Variants in RHOG observed in about 807,000 individuals in gnomAD.
RHOG encodes the protein ras homolog family member G, also known as rho-related GTP-binding protein RhoG.
In RHOG, 1 loss-of-function variant was observed where a neutral mutation model predicts 12.3. The ratio of observed to expected loss-of-function variants is 0.08; its 90% confidence interval spans 0.03 to 0.39. The LOEUF (loss-of-function observed/expected upper bound fraction) is 0.39. Ranked by LOEUF, RHOG falls within the 10% of genes least tolerant of loss-of-function variation. The pLI, the probability that RHOG is intolerant of heterozygous loss-of-function variation, is 0.99. For synonymous variants in RHOG, 129 were observed against 116.0 expected (o/e 1.11, Z -0.72); for missense variants, 114 against 266.2 (o/e 0.43, Z 3.98).
At chr11:3,839,602 AACACACACACACAC>A (rs112483411) in intron 1 of RHOG, among the ~76,000 whole-genome samples, 1 of 141,596 alleles carries the variant, frequency 7.1e-6, no homozygotes, top group African/African-American at 2.6e-5. Context: ...CACACACGCA[AACACACACACACAC>A]ACACACACAC....
chr11:3,829,964 C>T (rs960888336), intron 1 of RHOG, among the ~76,000 whole-genome samples: 12 of 152,176 alleles, frequency 7.9e-5, no homozygotes, highest in African/African-American at 2.9e-4. Flanking sequence ...TCAGGCTAGT[C>T]TTGAACTCCT....
chr11:3,835,714 G>C (rs571285485), intron 1 of RHOG, among the ~76,000 whole-genome samples: 23 of 152,320 alleles, frequency 1.5e-4, no homozygotes, highest in African/African-American at 4.3e-4. Context: ...GCTCAGAGAT[G>C]ATGAGGAAGA....
At chr11:3,835,194 G>A (rs968429782) in intron 1 of RHOG, among the ~76,000 whole-genome samples, 2 of 152,164 alleles carry the variant, frequency 1.3e-5, no homozygotes, top group Non-Finnish European at 2.9e-5. Context: ...AGCACCCTAA[G>A]CTGAGCACAC....
intron 1 of RHOG, among the ~76,000 whole-genome samples, chr11:3,831,707 C>T (rs1449689813): frequency 3.3e-5 from 5 of 152,200 alleles, no homozygotes; most frequent in African/African-American, 1.2e-4. Flanking sequence ...AGACTTAAAG[C>T]TCCTTGGAGG....
chr11:3,839,661 C>G (rs2090179384), intron 1 of RHOG, among the ~76,000 whole-genome samples: 1 of 151,260 alleles, frequency 6.6e-6, no homozygotes, highest in Non-Finnish European at 1.5e-5. Flanking sequence ...GTCTCTATCA[C>G]TGGGAGGCTG....
intron 1 of RHOG, among the ~76,000 whole-genome samples, chr11:3,838,851 A>G (rs2090171487): frequency 6.6e-6 from 1 of 152,184 alleles, no homozygotes; most frequent in African/African-American, 2.4e-5. Context: ...CATAGCCAGG[A>G]TGGACTGAAG....
intron 1 of RHOG, among the ~76,000 whole-genome samples, chr11:3,840,074 G>A (rs1004845223): frequency 1.8e-4 from 28 of 152,220 alleles, no homozygotes; most frequent in African/African-American, 3.6e-4. Context: ...GACTAAGAAT[G>A]AAGAGGAACA....
intron 1 of RHOG, among the ~76,000 whole-genome samples, chr11:3,828,622 A>ATTTTTTTTTTTTTTTTTTT (rs755612599): frequency 8.0e-6 from 1 of 125,756 alleles, no homozygotes; most frequent in African/African-American, 3.1e-5. Context: ...AGTATTAGCT[A>ATTTTTTTTTTTTTTTTTTT]TTTTTTTTTT....
rs575102026 is a variant in RHOG, at chr11:3,832,005, G to A, written c.-68-3799C>T. Among the ~76,000 whole-genome samples, 8 of 152,218 alleles carry A rather than the reference G, an allele frequency of 5.3e-5. No homozygotes were observed. In the South Asian group the frequency reaches 1.0e-3, roughly 20 times the overall value. On this transcript the variant is annotated intron_variant, in intron 1 of 1. Transcript: ENST00000351018. Reference sequence around the variant, plus strand: ...AGAGGGGAAGGACAGCGTAGCTTCCGGGCTGGGAAGGGAACGAGGACCGAC... The same window carrying A: ...AGAGGGGAAGGACAGCGTAGCTTCCAGGCTGGGAAGGGAACGAGGACCGAC...
In RHOG at chr11:3,840,911, G is replaced by A. The variant is rs1312155633; in HGVS notation, c.-86C>T. On this transcript the variant is annotated 5_prime_UTR_variant, in exon 1 of 2. Coordinates refer to ENST00000351018, the MANE Select transcript of RHOG (RefSeq NM_001665.4). ...GGCCTCACCTGGTGCCCTCCCCGAGGCGGGGGAGCTGGGGGCGGCGGCAGC... is the reference window on the plus strand; with the variant it reads ...GGCCTCACCTGGTGCCCTCCCCGAGACGGGGGAGCTGGGGGCGGCGGCAGC... 3 of 152,306 alleles carry A rather than the reference G, an allele frequency of 2.0e-5. No homozygotes were observed. Among genetic ancestry groups the A allele is most frequent in the South Asian group, 2.1e-4 (1 of 4,838 alleles). The allele number at this position is 152,306 out of a possible 1,614,324, so 9.4% of individuals were successfully genotyped here. A position where few individuals can be genotyped will look rare whatever the true frequency, so the allele number is the denominator to read the frequency against.
In RHOG at chr11:3,838,198, G is replaced by A. The variant is rs909280963; in HGVS notation, c.-69+2696C>T. ...ATACCTGTTTAGCCAAGACTTCAGC[G>A]GCAGCCTCCTAGGTTGTAGCCACCA... On this transcript the variant is annotated intron_variant, in intron 1 of 1. Coordinates refer to ENST00000351018, the MANE Select transcript of RHOG (RefSeq NM_001665.4). 3.9e-5 allele frequency among the ~76,000 whole-genome samples: 6 copies of A among 152,270 alleles called. No homozygotes were observed. In the East Asian group the frequency reaches 5.8e-4, roughly 15 times the overall value.
chr11:3,829,249 ATTTTTTT>A (rs869157708), intron 1 of RHOG, among the ~76,000 whole-genome samples: 1 of 92,724 alleles, frequency 1.1e-5, no homozygotes, highest in East Asian at 2.4e-4. Context: ...CAATGGGGAA[ATTTTTTT>A]TTTTTTTTTT....
At chr11:3,829,222 A>C (rs1241583438) in intron 1 of RHOG, among the ~76,000 whole-genome samples, 1 of 151,304 alleles carries the variant, frequency 6.6e-6, no homozygotes, top group Non-Finnish European at 1.5e-5. Flanking sequence ...GCCCTATCCC[A>C]ATCCAGGGTA....
chr11:3,832,076 G>C (rs150628479), intron 1 of RHOG, among the ~76,000 whole-genome samples: 123 of 152,192 alleles, frequency 8.1e-4, no homozygotes, highest in African/African-American at 2.7e-3. Context: ...AACAAGCAGA[G>C]CAAAGGCAGT....
intron 1 of RHOG, among the ~76,000 whole-genome samples, chr11:3,830,959 T>C (rs78335614): frequency 0.042 from 6,288 of 151,402 alleles, 375 homozygotes; most frequent in African/African-American, 0.13. Flanking sequence ...TGGTGGTCAA[T>C]ATGTGACTTC....
chr11:3,832,705 T>C (rs1283100149), intron 1 of RHOG, among the ~76,000 whole-genome samples: 1 of 152,184 alleles, frequency 6.6e-6, no homozygotes, highest in African/African-American at 2.4e-5. Context: ...AAAACAACTC[T>C]TCTTTCTGAA....
chr11:3,830,143 C>CAGG (rs1565082651), intron 1 of RHOG, among the ~76,000 whole-genome samples: 1 of 152,192 alleles, frequency 6.6e-6, no homozygotes, highest in Non-Finnish European at 1.5e-5. Context: ...TCCTGAGATC[C>CAGG]TGGCATGTGC....
At chr11:3,836,943 G>A (rs993378675) in intron 1 of RHOG, among the ~76,000 whole-genome samples, 3 of 136,414 alleles carry the variant, frequency 2.2e-5, no homozygotes, top group Non-Finnish European at 3.1e-5. Context: ...CTGAGCCTCA[G>A]GACCAGGACA....
At chr11:3,833,725 A>G (rs1220675490) in intron 1 of RHOG, among the ~76,000 whole-genome samples, 3 of 152,230 alleles carry the variant, frequency 2.0e-5, no homozygotes, top group Non-Finnish European at 4.4e-5. Context: ...TATGTGCACA[A>G]TGTAGGTACT....
Sources: gnomAD v4.1 joint callset for allele counts (sites outside exome capture counted in the v4.1 genomes callset) on GRCh38, gnomAD v4.1.1 for gene constraint, MANE v1.5 for transcripts, NCBI Gene and HGNC (gene_info 2026-07-23, HGNC 2026-07-21) for gene names.